The following DENND1A variants were observed in gnomAD, a reference collection of about 807,000 sequenced individuals.
The protein encoded by DENND1A is DENN domain-containing protein 1A.
Under a neutral mutation model 113.7 loss-of-function variants are expected in DENND1A, and 51 were observed. That is an observed-to-expected ratio of 0.45 (90% CI 0.36 to 0.57). The LOEUF is 0.57. Among genes scored for constraint, DENND1A ranks in the 20% least tolerant of loss-of-function variants. DENND1A has a pLI of 0.00. For synonymous variants in DENND1A, 565 were observed against 570.8 expected (o/e 0.99, Z 0.14); for missense variants, 1,258 against 1,395.9 (o/e 0.90, Z 1.57).
chr9:123,709,486 G>C (rs1051854132), intron 5 of DENND1A, among the ~76,000 whole-genome samples: 1 of 152,108 alleles, frequency 6.6e-6, no homozygotes, highest in Non-Finnish European at 1.5e-5. Context: ...GGCACAGTCT[G>C]AACTTGACCT....
At chr9:123,808,752 G>A (rs1361837915) in intron 2 of DENND1A, among the ~76,000 whole-genome samples, 1 of 152,130 alleles carries the variant, frequency 6.6e-6, no homozygotes. Context: ...ACTCATCAAA[G>A]TTCCTTAGAA....
At chr9:123,848,171 G>C (rs1271923912) in intron 2 of DENND1A, among the ~76,000 whole-genome samples, 1 of 117,232 alleles carries the variant, frequency 8.5e-6, no homozygotes. Context: ...AAATTTCTCA[G>C]AAACTGTTGA....
At chr9:123,811,026 C>T (rs1415747257) in intron 2 of DENND1A, among the ~76,000 whole-genome samples, 11 of 151,514 alleles carry the variant, frequency 7.3e-5, no homozygotes, top group African/African-American at 2.7e-4. Context: ...CCCAAAGTGC[C>T]GGGATTACAG....
At position 123,795,143 on chromosome 9, in the gene DENND1A, G is replaced by A. The variant is rs554384458; in HGVS notation, c.89-2513C>T. ...TCATAGGTCTTTAACATTCACCAAAGCAATATAATACATTTTTAAAAAGAA... is the reference window on the plus strand; with the variant it reads ...TCATAGGTCTTTAACATTCACCAAAACAATATAATACATTTTTAAAAAGAA... On this transcript the variant is annotated intron_variant, in intron 2 of 23. Transcript: ENST00000394215. Among the ~76,000 whole-genome samples the A allele has an allele frequency of 2.0e-4, 30 of 152,168 alleles. 1 individual carries two copies. The highest frequency in any genetic ancestry group is 6.7e-4 in the African/African-American group (28 of 41,522).
chr9:123,419,126 T>C (rs7848741), intron 19 of DENND1A, among the ~76,000 whole-genome samples: 19,126 of 152,256 alleles, frequency 0.13, 1,427 homozygotes, highest in African/African-American at 0.21. Context: ...AATAGAATAG[T>C]ACAGATGCTG....
intron 2 of DENND1A, among the ~76,000 whole-genome samples, chr9:123,866,143 A>G (rs1295167113): frequency 1.3e-5 from 2 of 152,256 alleles, no homozygotes; most frequent in African/African-American, 4.8e-5. Context: ...CATTCTGAGT[A>G]TCAGGATCAT....
At chr9:123,509,799 C>A (rs1053686176) in intron 13 of DENND1A, among the ~76,000 whole-genome samples, 6 of 152,236 alleles carry the variant, frequency 3.9e-5, no homozygotes, top group African/African-American at 4.8e-5. Context: ...ATCCTGAACA[C>A]TTCTTTCCCC....
intron 11 of DENND1A, among the ~76,000 whole-genome samples, chr9:123,598,795 C>T (rs999834278): frequency 6.6e-6 from 1 of 152,044 alleles, no homozygotes; most frequent in Non-Finnish European, 1.5e-5. Flanking sequence ...AAAATATTTG[C>T]AGTTAAATGC....
At chr9:123,443,263 G>A (rs891868208) in intron 18 of DENND1A, among the ~76,000 whole-genome samples, 11 of 152,188 alleles carry the variant, frequency 7.2e-5, no homozygotes, top group Admixed American at 5.9e-4. Flanking sequence ...GTGCTCAGAT[G>A]TAATCTTCTC....
chr9:123,455,113 C>G (rs548774651), intron 15 of DENND1A, among the ~76,000 whole-genome samples: 1 of 152,214 alleles, frequency 6.6e-6, no homozygotes, highest in Non-Finnish European at 1.5e-5. Context: ...TGAGCCACCA[C>G]GCTTGGCCGA....
intron 2 of DENND1A, among the ~76,000 whole-genome samples, chr9:123,828,259 A>C (rs144911177): frequency 6.6e-6 from 1 of 152,272 alleles, no homozygotes; most frequent in African/African-American, 2.4e-5. Context: ...GAACAAAAAA[A>C]TGAATTAATA....
intron 9 of DENND1A, among the ~76,000 whole-genome samples, chr9:123,650,884 G>A (rs528385353): frequency 1.2e-3 from 164 of 138,460 alleles, no homozygotes; most frequent in Non-Finnish European, 1.8e-3. Context: ...TCCAGCCTGG[G>A]TGACAGAGTA....
At chr9:123,534,645 T>C (rs1249201581) in intron 13 of DENND1A, among the ~76,000 whole-genome samples, 1 of 152,230 alleles carries the variant, frequency 6.6e-6, no homozygotes, top group African/African-American at 2.4e-5. Flanking sequence ...GCAATATAAG[T>C]ATCTGCCTTC....
At chr9:123,760,294 T>C (rs1482700234) in intron 4 of DENND1A, among the ~76,000 whole-genome samples, 1 of 152,210 alleles carries the variant, frequency 6.6e-6, no homozygotes, top group African/African-American at 2.4e-5. Flanking sequence ...GGGTAGACTT[T>C]CTAAAACTCC....
At chr9:123,479,894 A>C (rs932015831) in intron 13 of DENND1A, among the ~76,000 whole-genome samples, 4 of 152,228 alleles carry the variant, frequency 2.6e-5, no homozygotes, top group African/African-American at 9.6e-5. Context: ...CTGTCAAAAG[A>C]CCATTCCAAG....
chr9:123,894,564 G>C (rs1850420559), intron 1 of DENND1A, among the ~76,000 whole-genome samples: 2 of 152,210 alleles, frequency 1.3e-5, no homozygotes, highest in African/African-American at 4.8e-5. Context: ...TAAGGTTGTG[G>C]TCCTGATTAT....
chr9:123,903,128 C>G (rs1323204272), intron 1 of DENND1A, among the ~76,000 whole-genome samples: 1 of 151,182 alleles, frequency 6.6e-6, no homozygotes, highest in Non-Finnish European at 1.5e-5. Flanking sequence ...GTCAGGAGAT[C>G]GAGACCATCC....
chr9:123,451,732 G>A (rs1230184806), intron 17 of DENND1A, among the ~76,000 whole-genome samples: 1 of 152,184 alleles, frequency 6.6e-6, no homozygotes, highest in Non-Finnish European at 1.5e-5. Flanking sequence ...GCTAAAACCA[G>A]TAGCCTCCCA....
At chr9:123,612,710 T>C (rs2060471050) in intron 10 of DENND1A, among the ~76,000 whole-genome samples, 1 of 152,196 alleles carries the variant, frequency 6.6e-6, no homozygotes, top group Non-Finnish European at 1.5e-5. Context: ...GTGATAAAAA[T>C]GAACACCTTC....
Sources: allele counts gnomAD v4.1 joint callset (sites outside exome capture counted in the v4.1 genomes callset), GRCh38; gene constraint gnomAD v4.1.1; transcripts MANE v1.5; gene names NCBI Gene and HGNC (gene_info 2026-07-23, HGNC 2026-07-21).